C12orf42: variants seen among roughly 807,000 people sequenced by gnomAD.
C12orf42 encodes uncharacterized protein C12orf42.
In C12orf42, 25 loss-of-function variants were observed where a neutral mutation model predicts 21.6. The observed-to-expected ratio is 1.16, with a 90% CI of 0.84 to 1.62. C12orf42 has a LOEUF of 1.62. Among genes scored for constraint, C12orf42 ranks in the 40% most tolerant of loss-of-function variants. The pLI is 0.00. For synonymous variants in C12orf42, 174 were observed against 175.0 expected (o/e 0.99, Z 0.05); for missense variants, 483 against 459.3 (o/e 1.05, Z -0.47).
At chr12:103,189,351 TAA>T in the C12orf42 span, among the ~76,000 whole-genome samples, 1 of 152,192 alleles carries the variant, frequency 6.6e-6, no homozygotes, top group Non-Finnish European at 1.5e-5. Context: ...TGGGCTTTCA[TAA>T]AAGAGACATT....
At chr12:103,315,356 C>T (rs1001131744) in intron 4 of C12orf42, among the ~76,000 whole-genome samples, 3 of 151,938 alleles carry the variant, frequency 2.0e-5, no homozygotes, top group African/African-American at 7.3e-5. Context: ...GAACAGATGG[C>T]AAGGTAAACA....
At chr12:103,415,958 G>T (rs1045129131) in intron 2 of C12orf42, among the ~76,000 whole-genome samples, 4 of 151,302 alleles carry the variant, frequency 2.6e-5, no homozygotes, top group Non-Finnish European at 5.9e-5. Flanking sequence ...TTTTCTGTAG[G>T]TTTCCTCATT....
chr12:103,298,524 T>C (rs142310448), downstream of C12orf42, among the ~76,000 whole-genome samples: 1,199 of 152,232 alleles, frequency 7.9e-3, 14 homozygotes, highest in African/African-American at 0.021. Context: ...AAAATGGCCA[T>C]ACTGCCCAAG....
chr12:103,354,000 C>T (rs886912302), intron 4 of C12orf42, among the ~76,000 whole-genome samples: 9 of 152,154 alleles, frequency 5.9e-5, no homozygotes, highest in Admixed American at 3.9e-4. Flanking sequence ...CACCGCTTTC[C>T]GTTGCCTATA....
intron 2 of C12orf42, among the ~76,000 whole-genome samples, chr12:103,434,276 G>T (rs944164525): frequency 6.6e-6 from 1 of 152,176 alleles, no homozygotes; most frequent in Non-Finnish European, 1.5e-5. Flanking sequence ...CAAACCCAGG[G>T]ATAATCTGAG....
At chr12:103,094,233 T>C in the C12orf42 span, among the ~76,000 whole-genome samples, 4 of 152,356 alleles carry the variant, frequency 2.6e-5, no homozygotes, top group Non-Finnish European at 5.9e-5. Context: ...AGGCTAACCT[T>C]CTTCAAGTCT....
chr12:103,464,923 A>G (rs1486548522), intron 2 of C12orf42, among the ~76,000 whole-genome samples: 1 of 152,262 alleles, frequency 6.6e-6, no homozygotes, highest in Non-Finnish European at 1.5e-5. Flanking sequence ...ACATTGGTCT[A>G]TGTGTCTGTT....
the C12orf42 span, among the ~76,000 whole-genome samples, chr12:103,148,329 G>A: frequency 6.6e-6 from 1 of 152,100 alleles, no homozygotes; most frequent in Non-Finnish European, 1.5e-5. Flanking sequence ...TTTGACTTCG[G>A]TGTTACCAAT....
chr12:103,355,674 C>T (rs2043482016), intron 4 of C12orf42, among the ~76,000 whole-genome samples: 1 of 152,090 alleles, frequency 6.6e-6, no homozygotes, highest in African/African-American at 2.4e-5. Flanking sequence ...CCCCAATAGC[C>T]TTACCACCTC....
At chr12:103,136,062 A>G in the C12orf42 span, among the ~76,000 whole-genome samples, 4 of 152,198 alleles carry the variant, frequency 2.6e-5, no homozygotes, top group African/African-American at 9.6e-5. Flanking sequence ...ATCAGTCAAG[A>G]GGCAAAAATA....
At chr12:103,281,547 G>A (rs371233996) in intron 4 of C12orf42, among the ~76,000 whole-genome samples, 7 of 152,138 alleles carry the variant, frequency 4.6e-5, no homozygotes, top group East Asian at 1.9e-4. Flanking sequence ...TAGTAGAGAC[G>A]GGGTTTCACC....
At chr12:103,072,609 C>T in the C12orf42 span, among the ~76,000 whole-genome samples, 1 of 152,122 alleles carries the variant, frequency 6.6e-6, no homozygotes, top group African/African-American at 2.4e-5. Flanking sequence ...GTGCCCCCAC[C>T]CCCGGTACAT....
At chr12:103,541,033 A>G in the C12orf42 span, among the ~76,000 whole-genome samples, 1 of 152,052 alleles carries the variant, frequency 6.6e-6, no homozygotes, top group Non-Finnish European at 1.5e-5. Context: ...CCTCCCGAGT[A>G]GCTGGGATTA....
chr12:103,457,844 C>CT (rs1952415517), intron 2 of C12orf42, among the ~76,000 whole-genome samples: 1 of 151,880 alleles, frequency 6.6e-6, no homozygotes, highest in African/African-American at 2.4e-5. Context: ...ATATTCCAAC[C>CT]TTTTTAAAAT....
the C12orf42 span, among the ~76,000 whole-genome samples, chr12:103,048,347 C>T: frequency 6.6e-6 from 1 of 152,272 alleles, no homozygotes; most frequent in Admixed American, 6.5e-5. Flanking sequence ...GGAATAATAA[C>T]ATCTGGATTA....
chr12:103,462,992 C>T (rs541019144), intron 2 of C12orf42, among the ~76,000 whole-genome samples: 31 of 152,310 alleles, frequency 2.0e-4, no homozygotes, highest in Non-Finnish European at 3.2e-4. Flanking sequence ...CAGCAAAACG[C>T]TTAAGTTATT....
chr12:103,117,002 T>A, the C12orf42 span, among the ~76,000 whole-genome samples: 1 of 152,232 alleles, frequency 6.6e-6, no homozygotes. Context: ...GTAATTAGCA[T>A]ATCCATCATC....
At chr12:103,225,108 CAA>C in the C12orf42 span, among the ~76,000 whole-genome samples, 51,373 of 151,806 alleles carry the variant, frequency 0.34, 9,186 homozygotes, top group Middle Eastern at 0.4. Context: ...TAAGTGAAAG[CAA>C]AGAGAGGCTG....
intron 4 of C12orf42, among the ~76,000 whole-genome samples, chr12:103,352,118 T>A (rs2043150929): frequency 6.6e-6 from 1 of 152,098 alleles, no homozygotes; most frequent in African/African-American, 2.4e-5. Context: ...TAATTCTTCT[T>A]CTCTTACTCT....
Sources: gnomAD v4.1 joint callset for allele counts (sites outside exome capture counted in the v4.1 genomes callset) on GRCh38, gnomAD v4.1.1 for gene constraint, MANE v1.5 for transcripts, NCBI Gene and HGNC (gene_info 2026-07-23, HGNC 2026-07-21) for gene names.